Variants in PPFIBP1 observed in about 807,000 individuals in gnomAD.
PPFIBP1 encodes liprin-beta-1.
A neutral mutation model predicts 137.8 loss-of-function variants in PPFIBP1; 112 were observed. That is an observed-to-expected ratio of 0.81 (90% CI 0.70 to 0.95). PPFIBP1 has a LOEUF of 0.95. PPFIBP1 is among the 40% of genes least tolerant of loss of function. The pLI is 0.00. For synonymous variants in PPFIBP1, 378 were observed against 417.3 expected (o/e 0.91, Z 1.15); for missense variants, 1,083 against 1,196.6 (o/e 0.91, Z 1.40).
At chr12:27,662,817 A>G (rs2059630832) in intron 11 of PPFIBP1, among the ~76,000 whole-genome samples, 1 of 152,256 alleles carries the variant, frequency 6.6e-6, no homozygotes, top group Non-Finnish European at 1.5e-5. Context: ...AGAACTATAG[A>G]TTAGTGGGGA....
chr12:27,673,802 A>T lies in PPFIBP1; in HGVS notation c.1355A>T (p.Asn452Ile). ...CTGCAGAAGTCCAGCAGCCTGGGCA[A>T]TCTGAAGAAAGAGACATCTGATGGG... is the stretch of plus-strand genomic sequence containing the variant. ...SSLQKSSSLG[N>I]LKKETSDGEK... Residue 452 changes from asparagine to isoleucine, a missense_variant, in exon 16 of 30, where the codon AAT becomes ATT. Transcript: ENST00000228425. The T allele has an allele frequency of 6.2e-7, 1 of 1,613,736 alleles. No individual in the cohort carries two copies. Among genetic ancestry groups the T allele is most frequent in the Non-Finnish European group, 8.5e-7 (1 of 1,179,754 alleles).
At chr12:27,529,023 C>G (rs1411874276) in intron 1 of PPFIBP1, among the ~76,000 whole-genome samples, 1 of 152,184 alleles carries the variant, frequency 6.6e-6, no homozygotes, top group Non-Finnish European at 1.5e-5. Context: ...ATAGAAAGAT[C>G]ATGTAGTGGT....
chr12:27,557,518 C>G (rs2048800118), intron 1 of PPFIBP1, among the ~76,000 whole-genome samples: 1 of 152,144 alleles, frequency 6.6e-6, no homozygotes, highest in Non-Finnish European at 1.5e-5. Flanking sequence ...CAGGCATGAG[C>G]CACCACGCCC....
At chr12:27,540,669 G>C (rs147144280) in intron 1 of PPFIBP1, among the ~76,000 whole-genome samples, 1 of 152,312 alleles carries the variant, frequency 6.6e-6, no homozygotes, top group South Asian at 2.1e-4. Flanking sequence ...GTTGTCAGCT[G>C]CCCCAAAGCT....
chr12:27,648,001 C>T lies in PPFIBP1; in HGVS notation c.471+159C>T, dbSNP rs191715073. ...AATTGAGAGTAGTAGAGTCTCAAAA[C>T]ACATGCACACAATATAAAGTGTTTA... On this transcript the variant is annotated intron_variant, in intron 6 of 29. Transcript: ENST00000228425. 14 of 790,026 alleles carry T rather than the reference C, an allele frequency of 1.8e-5. No individual in the cohort carries two copies. The African/African-American group carries it at 2.5e-4, about 14-fold the overall frequency. The allele number at this position is 790,026 out of a possible 1,614,324, so 48.9% of individuals were successfully genotyped here.
intron 3 of PPFIBP1, 76 bp downstream of exon 3, chr12:27,633,536 T>A: frequency 8.0e-7 from 1 of 1,257,572 alleles, no homozygotes; most frequent in Admixed American, 2.2e-5. Context: ...AACTTTCATA[T>A]TATCTTTTCA....
intron 1 of PPFIBP1, among the ~76,000 whole-genome samples, chr12:27,531,383 C>A (rs377393906): frequency 1.3e-5 from 2 of 152,106 alleles, no homozygotes; most frequent in East Asian, 3.8e-4. Context: ...ACCTCCACCT[C>A]CTGGGTTCAA....
intron 15 of PPFIBP1, among the ~76,000 whole-genome samples, chr12:27,673,211 T>C (rs2060307485): frequency 6.6e-6 from 1 of 152,204 alleles, no homozygotes; most frequent in South Asian, 2.1e-4. Context: ...AAAGAGAAAG[T>C]CTCTGGATGT....
intron 2 of PPFIBP1, among the ~76,000 whole-genome samples, chr12:27,595,881 AACAAAATATATAT>A (rs2053183992): frequency 3.1e-5 from 1 of 32,582 alleles, no homozygotes; most frequent in African/African-American, 1.2e-4. Context: ...CAACAACAAC[AACAAAATATATAT>A]ATATATATAT....
intron 2 of PPFIBP1, chr12:27,592,723 T>A: frequency 9.0e-7 from 1 of 1,110,754 alleles, no homozygotes; most frequent in South Asian, 1.3e-5. Flanking sequence ...ACTTGTCCTT[T>A]GGCTGGCAGT....
intron 28 of PPFIBP1, 83 bp downstream of exon 28, chr12:27,692,011 A>G (rs561447091): frequency 1.7e-6 from 2 of 1,197,554 alleles, no homozygotes; most frequent in Admixed American, 4.9e-5. Context: ...GTGTCTGATC[A>G]AGGACATTTT....
chr12:27,651,606 A>G (rs1484453391), intron 7 of PPFIBP1, among the ~76,000 whole-genome samples: 3 of 152,154 alleles, frequency 2.0e-5, no homozygotes, highest in African/African-American at 7.2e-5. Flanking sequence ...CGCAGGGTAA[A>G]GTAATAGTAA....
At chr12:27,688,521 T>A (rs894758302) in intron 26 of PPFIBP1, 98 bp downstream of exon 26, 30 of 1,434,040 alleles carry the variant, frequency 2.1e-5, no homozygotes, top group Non-Finnish European at 2.6e-5. Flanking sequence ...CCTAAAGTCA[T>A]CTGACTCAAC....
At chr12:27,601,423 T>C (rs569678476) in intron 2 of PPFIBP1, among the ~76,000 whole-genome samples, 7 of 152,334 alleles carry the variant, frequency 4.6e-5, no homozygotes, top group African/African-American at 1.7e-4. Flanking sequence ...TCAAGGCTCA[T>C]GCACTTAATT....
chr12:27,541,363 G>A (rs1385449228), intron 1 of PPFIBP1, among the ~76,000 whole-genome samples: 1 of 152,140 alleles, frequency 6.6e-6, no homozygotes, highest in Non-Finnish European at 1.5e-5. Context: ...TGATAGAAGT[G>A]AGCTTACTGA....
intron 2 of PPFIBP1, chr12:27,593,849 T>C (rs1046031822): frequency 7.1e-7 from 1 of 1,406,672 alleles, no homozygotes; most frequent in Non-Finnish European, 9.5e-7. Context: ...CCTTATCCTT[T>C]CAGTCCCCCA....
intron 3 of PPFIBP1, among the ~76,000 whole-genome samples, chr12:27,634,219 A>G (rs1268695034): frequency 2.1e-5 from 3 of 146,186 alleles, no homozygotes; most frequent in Non-Finnish European, 3.0e-5. Context: ...ATTTACAGGC[A>G]TGATTACCTG....
intron 2 of PPFIBP1, among the ~76,000 whole-genome samples, chr12:27,616,385 T>C (rs2138363081): frequency 6.6e-6 from 1 of 151,756 alleles, no homozygotes; most frequent in East Asian, 1.9e-4. Context: ...CAAGAGATGA[T>C]GATCTTTGAT....
intron 2 of PPFIBP1, among the ~76,000 whole-genome samples, chr12:27,600,922 C>G (rs373869472): frequency 5.9e-5 from 9 of 152,160 alleles, no homozygotes; most frequent in African/African-American, 2.2e-4. Flanking sequence ...TCATAGCAAG[C>G]TAATTAGCAT....
Sources: gnomAD v4.1 joint callset for allele counts (sites outside exome capture counted in the v4.1 genomes callset) on GRCh38, gnomAD v4.1.1 for gene constraint, MANE v1.5 for transcripts, NCBI Gene and HGNC (gene_info 2026-07-23, HGNC 2026-07-21) for gene names.